Variants in ASB1 observed in about 807,000 individuals in gnomAD.
The protein encoded by ASB1 is ankyrin repeat and SOCS box protein 1.
Under a neutral mutation model 27.7 loss-of-function variants are expected in ASB1, and 18 were observed. That is an observed-to-expected ratio of 0.65 (90% confidence interval 0.45 to 0.96). The LOEUF is 0.96. Ranked by LOEUF, ASB1 falls within the 50% of genes least tolerant of loss-of-function variation. ASB1 has a pLI of 0.00. For missense variants in ASB1, 397 were observed against 451.7 expected (o/e 0.88, Z 1.10); for synonymous variants, 189 against 187.6 (o/e 1.01, Z -0.06).
At chr2:238,443,025 G>C (rs896287889) in intron 3 of ASB1, among the ~76,000 whole-genome samples, 4 of 152,100 alleles carry the variant, frequency 2.6e-5, no homozygotes, top group African/African-American at 9.7e-5. Flanking sequence ...TCATCTTACA[G>C]ATGAACTTTA....
chr2:238,436,022 T>A lies in ASB1; in HGVS notation c.494+9T>A, dbSNP rs11904390. 173,400 of 1,581,034 alleles carry A rather than the reference T, an allele frequency of 0.11. 10,368 individuals are homozygous for A. The highest frequency in any genetic ancestry group is 0.12 in the Non-Finnish European group (141,702 of 1,164,220). ...CTGAAGGCCCTCATCAGGCCAGTAC[T>A]GTGGAGCTCGCCTGGCTCCTGCAGC... On this transcript the variant is annotated intron_variant, in intron 3 of 4. Coordinates refer to ENST00000264607, the MANE Select transcript of ASB1 (RefSeq NM_001040445.3).
chr2:238,432,610 CTT>C (rs954595289), intron 1 of ASB1, among the ~76,000 whole-genome samples: 1 of 152,140 alleles, frequency 6.6e-6, no homozygotes, highest in Non-Finnish European at 1.5e-5. Context: ...TGCCGTATGT[CTT>C]TTTTGTAGTG....
intron 2 of ASB1, among the ~76,000 whole-genome samples, chr2:238,433,914 G>T (rs1701918905): frequency 6.6e-6 from 1 of 152,208 alleles, no homozygotes; most frequent in African/African-American, 2.4e-5. Flanking sequence ...GTCCTGCTCT[G>T]CCATTAACCT....
intron 4 of ASB1, among the ~76,000 whole-genome samples, chr2:238,446,168 C>G (rs962304567): frequency 2.6e-5 from 4 of 152,226 alleles, no homozygotes; most frequent in Admixed American, 2.6e-4. Flanking sequence ...TTCGCTCTTT[C>G]CTGCGACAGA....
chr2:238,427,400 T>C, intron 1 of ASB1: 1 of 352,484 alleles, frequency 2.8e-6, no homozygotes, highest in East Asian at 4.2e-5. Context: ...CGTTAGCCGA[T>C]ACAGATTTGA....
chr2:238,428,644 G>C (rs539357328), intron 1 of ASB1, among the ~76,000 whole-genome samples: 1 of 152,314 alleles, frequency 6.6e-6, no homozygotes, highest in East Asian at 1.9e-4. Flanking sequence ...GTTATTCAGT[G>C]TGTTTCGGCC....
intron 1 of ASB1, among the ~76,000 whole-genome samples, chr2:238,430,453 G>A (rs1249165261): frequency 6.6e-6 from 1 of 152,186 alleles, no homozygotes; most frequent in Non-Finnish European, 1.5e-5. Flanking sequence ...TAGTTCTCTT[G>A]TGATTTCCAC....
intron 4 of ASB1, 49 bp downstream of exon 4, chr2:238,444,776 G>C (rs982692924): frequency 6.6e-7 from 1 of 1,517,034 alleles, no homozygotes; most frequent in Admixed American, 2.2e-5. Context: ...TTGATTGAAT[G>C]AATCAAGATG....
intron 3 of ASB1, among the ~76,000 whole-genome samples, chr2:238,439,474 C>T (rs3769121): frequency 0.14 from 21,104 of 152,070 alleles, 2,723 homozygotes; most frequent in African/African-American, 0.34. Context: ...TACCTGTTGG[C>T]GAGCGCTGTG....
Position 238,429,285 on chromosome 2 carries a change from G to A in ASB1, c.49+2166G>A, listed in dbSNP as rs117295230. On this transcript the variant is annotated intron_variant, in intron 1 of 4. Coordinates refer to ENST00000264607, the MANE Select transcript of ASB1 (RefSeq NM_001040445.3). ...CACTAGGACAGCATGGCAGAGCAGG[G>A]ACTTGAATCCAAGTGGTCTGAGTTT... 1.2e-4 allele frequency among the ~76,000 whole-genome samples: 18 copies of A among 152,298 alleles called. No individual in the cohort carries two copies. In the East Asian group the frequency reaches 2.7e-3, roughly 23 times the overall value.
chr2:238,442,496 CT>C (rs1267509030), intron 3 of ASB1, among the ~76,000 whole-genome samples: 2 of 152,184 alleles, frequency 1.3e-5, no homozygotes, highest in African/African-American at 4.8e-5. Flanking sequence ...CCTTTGTAAC[CT>C]TTTCCCCCAA....
At chr2:238,429,937 C>CA (rs34241968) in intron 1 of ASB1, among the ~76,000 whole-genome samples, 23,276 of 132,456 alleles carry the variant, frequency 0.18, 3,015 homozygotes, top group African/African-American at 0.38. Flanking sequence ...GACTCCGTCT[C>CA]AAAAAAAAAA....
rs763057453 is a variant in ASB1, at chr2:238,446,461, C to T, written c.958C>T (p.Pro320Ser). The T allele has an allele frequency of 6.2e-7, 1 of 1,614,152 alleles. No individual in the cohort carries two copies. The highest frequency in any genetic ancestry group is 1.3e-5 in the African/African-American group (1 of 75,038). The change falls in exon 5 of 5, where the codon CCT becomes TCT. Residue 320 changes from proline (P) to serine (S), a missense_variant. By Grantham distance (74) the Pro-to-Ser change is moderately conservative. Coordinates refer to ENST00000264607, the MANE Select transcript of ASB1 (RefSeq NM_001040445.3). The stretch of plus-strand genomic sequence containing the variant: ...TGGCAAACACCGGCTTCATCTGATT[C>T]CTTCGCTGCCTCTGCCAGACCCCAT... ...ALGKHRLHLI[P>S]SLPLPDPIKK...
At position 238,447,681 on chromosome 2, in the gene ASB1, A is replaced by G. The variant is rs1255985199; in HGVS notation, c.*1170A>G. 3 of 152,256 alleles carry G rather than the reference A, an allele frequency of 2.0e-5. No individual in the cohort carries two copies. The highest frequency in any genetic ancestry group is 7.2e-5 in the African/African-American group (3 of 41,466). 9.4% of individuals were successfully genotyped at this position (152,256 alleles called of 1,614,324 possible). A position where few individuals can be genotyped will look rare whatever the true frequency, so the allele number is the denominator to read the frequency against. ...AATCACATTTCGTCATTTGAAGCCC[A>G]TGAGGACCATTGTGTGGATCCATGG... On this transcript the variant is annotated 3_prime_UTR_variant, in exon 5 of 5. Coordinates refer to ENST00000264607, the MANE Select transcript of ASB1 (RefSeq NM_001040445.3).
At position 238,445,139 on chromosome 2, in the gene ASB1, C is replaced by T. The variant is rs115084271; in HGVS notation, c.880+412C>T. Among the ~76,000 whole-genome samples, 651 of 151,952 alleles carry T rather than the reference C, an allele frequency of 4.3e-3. 4 individuals carry two copies. Among genetic ancestry groups the T allele is most frequent in the African/African-American group, 0.015 (629 of 41,434 alleles). Reference sequence around the variant, plus strand: ...TGGGACTGTAGGTGCACACCATGCCCAGCTAATTTTTGGGTTTTTTGTAGA... The same window carrying T: ...TGGGACTGTAGGTGCACACCATGCCTAGCTAATTTTTGGGTTTTTTGTAGA... On this transcript the variant is annotated intron_variant, in intron 4 of 4. Coordinates refer to ENST00000264607, the MANE Select transcript of ASB1 (RefSeq NM_001040445.3).
Position 238,448,718 on chromosome 2 carries a change from G to A in ASB1, c.*2207G>A, listed in dbSNP as rs999612424. On this transcript the variant is annotated 3_prime_UTR_variant, in exon 5 of 5. Transcript: ENST00000264607. Reference sequence around the variant, plus strand: ...GAATGCTGCCTCGTGGGAGTCCCATGCGTGAGTGTGGTGGTGTGACCTTCA... The same window carrying A: ...GAATGCTGCCTCGTGGGAGTCCCATACGTGAGTGTGGTGGTGTGACCTTCA... 1.3e-5 allele frequency: 2 copies of A among 152,526 alleles called. No individual in the cohort carries two copies. The highest frequency in any genetic ancestry group is 1.3e-4 in the Admixed American group (2 of 15,292). 9.4% of individuals were successfully genotyped at this position (152,526 alleles called of 1,614,324 possible).
Position 238,435,864 on chromosome 2 carries a change from G to T in ASB1, c.345G>T (p.Leu115=). 6.2e-7 allele frequency: 1 copy of T among 1,614,252 alleles called. No homozygotes were observed. The highest frequency in any genetic ancestry group is 8.5e-7 in the Non-Finnish European group (1 of 1,180,042). Residue 115 remains leucine (L), a synonymous_variant, in exon 3 of 5, where the codon CTG becomes CTT. Coordinates refer to ENST00000264607, the MANE Select transcript of ASB1 (RefSeq NM_001040445.3). ...TGGACGTAAAAGGACAGACGGCCCT[G>T]TATGTGGCTGTGGTGAACGGGCACC... is the stretch of plus-strand genomic sequence containing the variant. ...DLVDVKGQTA[L]YVAVVNGHLE...
chr2:238,444,586 G>A lies in ASB1; in HGVS notation c.739G>A (p.Gly247Ser), dbSNP rs761684248. Residue 247 changes from glycine (G) to serine (S), a missense_variant, in exon 4 of 5, where the codon GGC becomes AGC. By Grantham distance (56) the Gly-to-Ser change is moderately conservative (BLOSUM62 0). Transcript: ENST00000264607. ...CGTCATGGATGCTGTTCTGCGCCACGGCTGTGAGGCAGCCTTCGTGAGCCT... is the reference window on the plus strand; with the variant it reads ...CGTCATGGATGCTGTTCTGCGCCACAGCTGTGAGGCAGCCTTCGTGAGCCT... ...GCVMDAVLRHGCEAAFVSLLV... is the reference protein window; with the variant it reads ...GCVMDAVLRHSCEAAFVSLLV... The A allele has an allele frequency of 3.1e-6, 5 of 1,614,084 alleles. No individual in the cohort carries two copies. The highest frequency in any genetic ancestry group is 4.2e-6 in the Non-Finnish European group (5 of 1,180,050).
intron 1 of ASB1, among the ~76,000 whole-genome samples, chr2:238,432,074 G>A (rs1274666212): frequency 6.6e-6 from 1 of 152,192 alleles, no homozygotes; most frequent in Non-Finnish European, 1.5e-5. Context: ...GTGAAATGCA[G>A]TGAAATGAAG....
Sources: gnomAD v4.1 joint callset for allele counts (sites outside exome capture counted in the v4.1 genomes callset) on GRCh38, gnomAD v4.1.1 for gene constraint, MANE v1.5 for transcripts, NCBI Gene and HGNC (gene_info 2026-07-23, HGNC 2026-07-21) for gene names.